CHST15: variants seen among roughly 807,000 people sequenced by gnomAD.
The protein encoded by CHST15 is carbohydrate sulfotransferase 15.
In CHST15, 30 loss-of-function variants were observed where a neutral mutation model predicts 53.6. The ratio of observed to expected loss-of-function variants is 0.56; its 90% confidence interval spans 0.42 to 0.76. The LOEUF is 0.76. CHST15 is among the 30% of genes least tolerant of loss of function. CHST15 has a pLI of 0.00. For missense variants in CHST15, 627 were observed against 740.5 expected (o/e 0.85, Z 1.78); for synonymous variants, 296 against 289.8 (o/e 1.02, Z -0.22).
At chr10:124,035,113 TCCGCCCCCTAACAGGGACCCC>T (rs1564869088) in intron 5 of CHST15, among the ~76,000 whole-genome samples, 1 of 124,016 alleles carries the variant, frequency 8.1e-6, no homozygotes, top group African/African-American at 3.3e-5. Context: ...GGACCCCGGC[TCCGCCCCCTAACAGGGACCCC>T]GGCTCCGCCC....
intron 1 of CHST15, among the ~76,000 whole-genome samples, chr10:124,076,361 G>A (rs927428509): frequency 1.6e-4 from 25 of 152,324 alleles, no homozygotes; most frequent in African/African-American, 5.3e-4. Flanking sequence ...CCAGATTCCC[G>A]ATGCGTGGAG....
In CHST15 at chr10:124,040,453, C is replaced by G. The variant is rs985584912; in HGVS notation, c.1034-1782G>C. Among the ~76,000 whole-genome samples, 2 of 152,166 alleles carry G rather than the reference C, an allele frequency of 1.3e-5. 1 individual carries two copies. The highest frequency in any genetic ancestry group is 4.1e-4 in the South Asian group (2 of 4,830). On this transcript the variant is annotated intron_variant, in intron 4 of 7. Transcript: ENST00000435907. Reference sequence around the variant, plus strand: ...CTTTCAACATGTCTAAAGCTCCGGCCTCAAGTTCAGCCATCACGTTCAGGC... The same window carrying G: ...CTTTCAACATGTCTAAAGCTCCGGCGTCAAGTTCAGCCATCACGTTCAGGC...
At chr10:124,083,612 C>T (rs986533931) in intron 1 of CHST15, among the ~76,000 whole-genome samples, 1 of 152,154 alleles carries the variant, frequency 6.6e-6, no homozygotes. Context: ...AAACTGCTAG[C>T]AAGTGGGTAT....
intron 1 of CHST15, among the ~76,000 whole-genome samples, chr10:124,057,229 G>T (rs1218847671): frequency 6.6e-6 from 1 of 152,206 alleles, no homozygotes; most frequent in Non-Finnish European, 1.5e-5. Flanking sequence ...ATGATCTGAA[G>T]TTAATTTCTC....
intron 1 of CHST15, among the ~76,000 whole-genome samples, chr10:124,061,339 G>A (rs1305941416): frequency 6.6e-6 from 1 of 152,194 alleles, no homozygotes; most frequent in Non-Finnish European, 1.5e-5. Flanking sequence ...AAATAAGCAC[G>A]AGATCTGATG....
chr10:124,056,948 G>T (rs1948405094), intron 1 of CHST15, among the ~76,000 whole-genome samples: 1 of 151,722 alleles, frequency 6.6e-6, no homozygotes, highest in Non-Finnish European at 1.5e-5. Flanking sequence ...CTGAGGCCCA[G>T]GCCTGTACGA....
rs981099899 is a variant in CHST15, at chr10:124,024,384, A to G, written c.1191-2972T>C. Among the ~76,000 whole-genome samples, 1 of 152,154 alleles carries G rather than the reference A, an allele frequency of 6.6e-6. No homozygotes were observed. The highest frequency in any genetic ancestry group is 2.4e-5 in the African/African-American group (1 of 41,418). ...GCCCTCTAGAATTCATCCACGGCCA[A>G]TGTCCACAGAGGACACCTCTTGGAA... On this transcript the variant is annotated intron_variant, in intron 5 of 7. Transcript: ENST00000435907. The surrounding 1 kb of genome is among the most constrained non-coding windows in gnomAD (Gnocchi z 4.0).
chr10:124,082,449 C>G (rs1949275563), intron 1 of CHST15, among the ~76,000 whole-genome samples: 1 of 152,198 alleles, frequency 6.6e-6, no homozygotes, highest in South Asian at 2.1e-4. Context: ...CAGCCAGGAT[C>G]ACTGACAGGG....
intron 1 of CHST15, among the ~76,000 whole-genome samples, chr10:124,085,060 T>G (rs1186004404): frequency 6.6e-6 from 1 of 152,206 alleles, no homozygotes; most frequent in South Asian, 2.1e-4. Context: ...GTGTGTACAT[T>G]TGGAAGACTC....
In CHST15 at chr10:124,038,607, C is replaced by T. The variant is rs775993502; in HGVS notation, c.1098G>A (p.Thr366=). The T allele has an allele frequency of 9.9e-5, 160 of 1,614,184 alleles. 1 individual carries two copies. In the South Asian group the frequency reaches 1.5e-3, roughly 15 times the overall value. ...NAWTFFYDNS[T]DGEPPFLTQD... ...GCGTCAGAAACGGTGGCTCGCCATC[C>T]GTGCTGTTGTCGTAGAAGAACGTCC... Residue 366 remains threonine (T), a synonymous_variant, in exon 5 of 8, where the codon ACG becomes ACA. Coordinates refer to ENST00000435907, the MANE Select transcript of CHST15 (RefSeq NM_001270764.2).
intron 5 of CHST15, among the ~76,000 whole-genome samples, chr10:124,028,166 C>T (rs756254752): frequency 3.3e-5 from 5 of 152,202 alleles, no homozygotes; most frequent in South Asian, 2.1e-4. Context: ...ACATCACATC[C>T]GGCATCTAGA....
intron 1 of CHST15, among the ~76,000 whole-genome samples, chr10:124,069,383 T>C (rs76481269): frequency 0.039 from 5,937 of 152,186 alleles, 345 homozygotes; most frequent in East Asian, 0.21. Context: ...CCCCCAACTA[T>C]TGGTGATATG....
chr10:124,015,490 G>A (rs1245487473), intron 6 of CHST15, among the ~76,000 whole-genome samples: 1 of 151,820 alleles, frequency 6.6e-6, no homozygotes, highest in African/African-American at 2.4e-5. Flanking sequence ...CCCCATGCAG[G>A]GCCCCAGGGA....
chr10:124,074,672 C>T lies in CHST15; in HGVS notation c.-513+18797G>A, dbSNP rs187382446. Among the ~76,000 whole-genome samples, 2 of 152,174 alleles carry T rather than the reference C, an allele frequency of 1.3e-5. No homozygotes were observed. The highest frequency in any genetic ancestry group is 6.5e-5 in the Admixed American group (1 of 15,274). ...CCGCGCCTCTGCCAGACTGGGCTCACGGCATCAGCAAACTTGCTCATAGAC... is the reference window on the plus strand; with the variant it reads ...CCGCGCCTCTGCCAGACTGGGCTCATGGCATCAGCAAACTTGCTCATAGAC... On this transcript the variant is annotated intron_variant, in intron 1 of 7. Transcript: ENST00000435907. The surrounding 1 kb of genome is among the most constrained non-coding windows in gnomAD (Gnocchi z 4.4).
At chr10:124,048,002 G>T (rs761489718) in intron 1 of CHST15, among the ~76,000 whole-genome samples, 1 of 152,114 alleles carries the variant, frequency 6.6e-6, no homozygotes, top group East Asian at 1.9e-4. Flanking sequence ...CATCAAGATC[G>T]CCATGTACTG....
At chr10:124,047,615 C>A (rs1279272722) in intron 1 of CHST15, among the ~76,000 whole-genome samples, 1 of 152,162 alleles carries the variant, frequency 6.6e-6, no homozygotes, top group Non-Finnish European at 1.5e-5. Context: ...CTGTGTGACC[C>A]TGAGCAAGCC....
intron 6 of CHST15, chr10:124,020,356 C>T: frequency 1.0e-6 from 1 of 985,480 alleles, no homozygotes; most frequent in Non-Finnish European, 1.2e-6. Flanking sequence ...TACCTGGCAC[C>T]AGAGCAGGCT....
In CHST15 at chr10:124,009,528, T is replaced by C. The variant is rs368696974; in HGVS notation, c.*621A>G. ...ATCTGAAGAAACTGGAGGGCTGAGT[T>C]TGGAGTAAAGGAGAAAAAAAAAATG... On this transcript the variant is annotated 3_prime_UTR_variant, in exon 8 of 8. Coordinates refer to ENST00000435907, the MANE Select transcript of CHST15 (RefSeq NM_001270764.2). The C allele has an allele frequency of 7.1e-6, 7 of 988,158 alleles. No homozygotes were observed. The highest frequency in any genetic ancestry group is 1.7e-5 in the African/African-American group (1 of 57,176). 61.2% of individuals were successfully genotyped at this position (988,158 alleles called of 1,614,324 possible). A position where few individuals can be genotyped will look rare whatever the true frequency, so the allele number is the denominator to read the frequency against.
intron 1 of CHST15, among the ~76,000 whole-genome samples, chr10:124,069,191 G>C (rs564545926): frequency 1.3e-5 from 2 of 152,340 alleles, no homozygotes; most frequent in East Asian, 3.9e-4. Flanking sequence ...AACTCCCACA[G>C]ATCAACATCC....
Sources: gnomAD v4.1 joint callset for allele counts (sites outside exome capture counted in the v4.1 genomes callset) on GRCh38, gnomAD v4.1.1 for gene constraint, Gnocchi (gnomAD v3.1) non-coding constraint, MANE v1.5 for transcripts, NCBI Gene and HGNC (gene_info 2026-07-23, HGNC 2026-07-21) for gene names.